Variants in STON1 observed in about 807,000 individuals in gnomAD.
STON1 encodes the protein stonin 1, also known as stonin-1.
A neutral mutation model predicts 60.9 loss-of-function variants in STON1; 79 were observed. The observed-to-expected ratio is 1.30, with a 90% CI of 1.08 to 1.56. The LOEUF (loss-of-function observed/expected upper bound fraction) is 1.56. Among genes scored for constraint, STON1 ranks in the 40% most tolerant of loss-of-function variants. The pLI is 0.00. For missense variants in STON1, 1,166 were observed against 858.9 expected, an observed-to-expected ratio of 1.36 and a Z score of -4.47; for synonymous variants, 363 against 306.9, an observed-to-expected ratio of 1.18 and a Z score of -1.91.
intron 1 of STON1, chr2:48,569,223 A>G (rs1673081762): frequency 6.6e-6 from 1 of 152,240 alleles, no homozygotes; most frequent in Admixed American, 6.5e-5. Context: ...ACACATAGTT[A>G]TTTGATAAAT....
intron 1 of STON1, among the ~76,000 whole-genome samples, chr2:48,548,901 T>C (rs945697767): frequency 6.6e-6 from 1 of 152,224 alleles, no homozygotes; most frequent in African/African-American, 2.4e-5. Context: ...CTTGGCCCTC[T>C]TGGTATCCGA....
intron 2 of STON1, among the ~76,000 whole-genome samples, chr2:48,586,203 AT>A (rs1310123932): frequency 1.3e-5 from 2 of 152,180 alleles, no homozygotes; most frequent in Non-Finnish European, 2.9e-5. Context: ...ATAATACTGC[AT>A]TTTTTTCAGA....
At chr2:48,564,605 T>C (rs140594147) in intron 1 of STON1, among the ~76,000 whole-genome samples, 6,216 of 61,036 alleles carry the variant, frequency 0.1, 1,282 homozygotes, top group Admixed American at 0.15. Flanking sequence ...TCCTCCTCCT[T>C]CTCCTTCTCC....
At chr2:48,571,170 T>C (rs559056896) in intron 1 of STON1, among the ~76,000 whole-genome samples, 81 of 152,268 alleles carry the variant, frequency 5.3e-4, no homozygotes, top group African/African-American at 1.9e-3. Flanking sequence ...CTCTGAATTT[T>C]GTGTGGAATT....
At position 48,581,369 on chromosome 2, in the gene STON1, A is replaced by T; in HGVS notation, c.736A>T (p.Arg246Ter). 1 of 1,574,596 alleles carries T rather than the reference A, an allele frequency of 6.4e-7. No homozygotes were observed. The highest frequency in any genetic ancestry group is 8.6e-7 in the Non-Finnish European group (1 of 1,160,910). Reference protein sequence around the residue: ...LQSAENQDSLRSLSMHCLCAE... With the variant: ...LQSAENQDSL ...GTCAGCTGAGAACCAAGACTCACTT[A>T]GAAGTTTGTCTATGCACTGTCTATG... Residue 246 changes from arginine (R) to a stop codon, truncating the protein, a stop_gained, in exon 2 of 4, where the codon AGA becomes TGA. Transcript: ENST00000404752. LOFTEE classifies it high-confidence loss of function.
At position 48,580,786 on chromosome 2, in the gene STON1, C is replaced by T. The variant is rs772714656; in HGVS notation, c.153C>T (p.Pro51=). 5 of 1,555,782 alleles carry T rather than the reference C, an allele frequency of 3.2e-6. No homozygotes were observed. Among genetic ancestry groups the T allele is most frequent in the South Asian group, 2.5e-5 (2 of 80,656 alleles). ...ACCTTCCTGGCCTCAGGGAATTTCC[C>T]AGTGGATCTTCCTCCACCAGCAGCA... The part of the protein sequence containing the change: ...KLNLPGLREF[P]SGSSSTSSTP... The change falls in exon 2 of 4, where the codon CCC becomes CCT. Residue 51 remains proline (P), a synonymous_variant. Transcript: ENST00000404752.
intron 1 of STON1, among the ~76,000 whole-genome samples, chr2:48,564,438 T>A (rs1672754842): frequency 2.1e-5 from 1 of 48,610 alleles, no homozygotes; most frequent in East Asian, 5.0e-4. Context: ...CTTCTTCTTC[T>A]TCTTCTTCTT....
intron 3 of STON1, among the ~76,000 whole-genome samples, chr2:48,593,621 T>G (rs1558654203): frequency 6.6e-6 from 1 of 152,254 alleles, no homozygotes; most frequent in Non-Finnish European, 1.5e-5. Flanking sequence ...AACATGTGCC[T>G]CTCAAATAGC....
At chr2:48,555,315 G>C (rs1328214766) in intron 1 of STON1, among the ~76,000 whole-genome samples, 1 of 34,702 alleles carries the variant, frequency 2.9e-5, no homozygotes, top group African/African-American at 1.0e-4. Flanking sequence ...GGCCGGGCGG[G>C]GGGGGCTGAC....
intron 1 of STON1, among the ~76,000 whole-genome samples, chr2:48,558,154 C>T (rs1038518863): frequency 2.0e-5 from 3 of 152,194 alleles, no homozygotes; most frequent in Non-Finnish European, 4.4e-5. Flanking sequence ...ACCCGGGAGG[C>T]AGAGGCGGCA....
chr2:48,560,231 AGAG>A (rs564576626), intron 1 of STON1, among the ~76,000 whole-genome samples: 211 of 152,290 alleles, frequency 1.4e-3, no homozygotes, highest in African/African-American at 4.9e-3. Context: ...CCTTCAGGGG[AGAG>A]GAGAAGGAGG....
At chr2:48,546,042 T>A (rs1318615318) in intron 1 of STON1, among the ~76,000 whole-genome samples, 1 of 152,228 alleles carries the variant, frequency 6.6e-6, no homozygotes, top group African/African-American at 2.4e-5. Context: ...AATAAATGTG[T>A]AGGGGCAGAG....
intron 1 of STON1, among the ~76,000 whole-genome samples, chr2:48,565,448 T>C (rs1672901226): frequency 6.6e-6 from 1 of 152,114 alleles, no homozygotes; most frequent in Non-Finnish European, 1.5e-5. Flanking sequence ...ATCATCACAT[T>C]GGGATTCAGG....
Position 48,564,420 on chromosome 2 carries a change from T to TTCC in STON1, c.-47-16165_-47-16164insCTC, listed in dbSNP as rs1423645631. On this transcript the variant is annotated intron_variant, in intron 1 of 3. Transcript: ENST00000404752. Reference sequence around the variant, plus strand: ...CAGTGGCGGTGTCTTCTTCTTCTTCTTCTTCTTCTTCTTCTTCTTCTTCTT... The same window carrying TTCC: ...CAGTGGCGGTGTCTTCTTCTTCTTCTTCCTCTTCTTCTTCTTCTTCTTCTTCTT... Among the ~76,000 whole-genome samples, 53 of 40,450 alleles carry TTCC rather than the reference T, an allele frequency of 1.3e-3. 1 individual carries two copies. The highest frequency in any genetic ancestry group is 8.2e-3 in the Middle Eastern group (1 of 122). The allele number at this position is 40,450 out of a possible 152,430, so 26.5% of individuals were successfully genotyped here. A position where few individuals can be genotyped will look rare whatever the true frequency, so the allele number is the denominator to read the frequency against.
intron 1 of STON1, among the ~76,000 whole-genome samples, chr2:48,537,682 C>G (rs1312457323): frequency 1.3e-5 from 2 of 151,812 alleles, no homozygotes; most frequent in East Asian, 3.9e-4. Flanking sequence ...AACCCTATCT[C>G]TACTAAAAAT....
At chr2:48,572,451 T>A (rs781527772) in intron 1 of STON1, among the ~76,000 whole-genome samples, 2 of 152,252 alleles carry the variant, frequency 1.3e-5, no homozygotes, top group Middle Eastern at 6.8e-3. Flanking sequence ...TTTGCATAGA[T>A]CTGGGTTTCA....
intron 1 of STON1, among the ~76,000 whole-genome samples, chr2:48,552,528 C>T (rs1258227443): frequency 1.3e-5 from 2 of 151,906 alleles, no homozygotes; most frequent in African/African-American, 2.4e-5. Context: ...TTTGGGAGGC[C>T]GAGGTGGGCA....
chr2:48,564,550 TTCTTCTTC>T, intron 1 of STON1, among the ~76,000 whole-genome samples: 1 of 52,582 alleles, frequency 1.9e-5, no homozygotes, highest in Non-Finnish European at 4.0e-5. Context: ...CTTCTTCTTC[TTCTTCTTC>T]TTCTTCTTCT....
intron 1 of STON1, among the ~76,000 whole-genome samples, chr2:48,556,248 C>T (rs1363469159): frequency 3.9e-4 from 11 of 28,556 alleles, no homozygotes; most frequent in African/African-American, 1.0e-3. Context: ...CCGGACGGGG[C>T]GGCTGGCCGG....
Sources: allele counts gnomAD v4.1 joint callset (sites outside exome capture counted in the v4.1 genomes callset), GRCh38; gene constraint gnomAD v4.1.1; transcripts MANE v1.5; gene names NCBI Gene and HGNC (gene_info 2026-07-23, HGNC 2026-07-21).